Variants in KMO observed in about 807,000 individuals in gnomAD.
KMO encodes the protein kynurenine 3-hydroxylase.
Under a neutral mutation model 57.8 loss-of-function variants are expected in KMO, and 24 were observed. The ratio of observed to expected loss-of-function variants is 0.42; its 90% CI spans 0.30 to 0.58. The LOEUF is 0.58. KMO is among the 20% of genes least tolerant of loss of function. The pLI, the probability that KMO is intolerant of heterozygous loss-of-function variation, is 0.22. For synonymous variants in KMO, 210 were observed against 193.6 expected (o/e 1.08, Z -0.70); for missense variants, 483 against 588.2 (o/e 0.82, Z 1.85).
chr1:241,549,394 G>A (rs1428070340), intron 2 of KMO, among the ~76,000 whole-genome samples: 1 of 151,970 alleles, frequency 6.6e-6, no homozygotes, highest in African/African-American at 2.4e-5. Context: ...AAGAATTGCA[G>A]GATGTGGTTC....
chr1:241,553,109 AC>A (rs1661472806), intron 4 of KMO, among the ~76,000 whole-genome samples: 1 of 152,196 alleles, frequency 6.6e-6, no homozygotes. Flanking sequence ...GATATATCTA[AC>A]CTTTTTTAGG....
intron 10 of KMO, among the ~76,000 whole-genome samples, chr1:241,573,561 C>T (rs1013579820): frequency 2.0e-5 from 3 of 151,952 alleles, no homozygotes; most frequent in African/African-American, 7.3e-5. Context: ...TTTTTGTATG[C>T]TTTATTGAAG....
rs1348387681 is a variant in KMO, at chr1:241,549,266, A to AAAGTAGGAAAGAAAGAAAGG, written c.124+371_124+372insTAGGAAAGAAAGAAAGGAAG. On this transcript the variant is annotated intron_variant, in intron 2 of 14. Transcript: ENST00000366559. ...GAAAGAAAGAAAGAAAGAAAGAAAGAAAGGAAGGAAGAAAGAAAGAAAGGA... is the reference window on the plus strand; with the variant it reads ...GAAAGAAAGAAAGAAAGAAAGAAAGAAAGTAGGAAAGAAAGAAAGGAAGGAAGGAAGAAAGAAAGAAAGGA... Among the ~76,000 whole-genome samples, 7 of 117,552 alleles carry AAAGTAGGAAAGAAAGAAAGG rather than the reference A, an allele frequency of 6.0e-5. 1 individual carries two copies. The highest frequency in any genetic ancestry group is 3.1e-4 in the South Asian group (1 of 3,224). 77.1% of individuals were successfully genotyped at this position (117,552 alleles called of 152,430 possible).
intron 10 of KMO, among the ~76,000 whole-genome samples, chr1:241,585,617 C>T (rs112202119): frequency 5.5e-4 from 84 of 151,610 alleles, no homozygotes; most frequent in Admixed American, 1.9e-3. Context: ...ATTAGCTGGG[C>T]GTGGTGGTGC....
In KMO at chr1:241,594,311, TG is replaced by T; in HGVS notation, c.*2160del. 8.5e-7 allele frequency: 1 copy of T among 1,176,834 alleles called. No homozygotes were observed. Among genetic ancestry groups the T allele is most frequent in the Non-Finnish European group, 1.2e-6 (1 of 837,176 alleles). 72.9% of individuals were successfully genotyped at this position (1,176,834 alleles called of 1,614,324 possible). The stretch of plus-strand genomic sequence containing the variant: ...CATATGGGCAATTCGGATTTCCTGC[TG>T]GACCACAAGGTTCTGTTGATATTAC... On this transcript the variant is annotated 3_prime_UTR_variant, in exon 15 of 15. Transcript: ENST00000366559.
chr1:241,545,537 G>A (rs1420609914), intron 1 of KMO, among the ~76,000 whole-genome samples: 4 of 152,028 alleles, frequency 2.6e-5, no homozygotes, highest in East Asian at 1.9e-4. Context: ...TCCTCAATGC[G>A]TGTCTGATTC....
At chr1:241,556,917 T>G (rs566118913) in intron 5 of KMO, among the ~76,000 whole-genome samples, 28 of 151,330 alleles carry the variant, frequency 1.9e-4, no homozygotes, top group African/African-American at 6.8e-4. Context: ...ATAATAATAA[T>G]AAAGATTTGT....
rs746112406 is a variant in KMO at position 241,592,150 on chromosome 1, G to A, written c.1458G>A (p.Arg486=). The A allele has an allele frequency of 1.1e-5, 18 of 1,612,428 alleles. No homozygotes were observed. The African/African-American group carries it at 2.1e-4, about 19-fold the overall frequency. ...SLEQISNLIS[R] is the part of the protein sequence containing the mutation. ...AACAAATTTCCAATCTCATTAGCAG[G>A]TGATAGAAAGGTTTTGTGGTAGCAA... Residue 486 remains arginine (R), a synonymous_variant, in exon 15 of 15, where the codon AGG becomes AGA. Coordinates refer to ENST00000366559, the MANE Select transcript of KMO (RefSeq NM_003679.5).
chr1:241,591,887 A>C, intron 14 of KMO, 66 bp from the exon 15 acceptor site: 1 of 1,334,130 alleles, frequency 7.5e-7, no homozygotes, highest in Non-Finnish European at 1.1e-6. Context: ...TGTTGTTAAA[A>C]AATGAAGTCT....
At chr1:241,576,248 ACAATT>A (rs1662515129) in intron 10 of KMO, among the ~76,000 whole-genome samples, 1 of 151,982 alleles carries the variant, frequency 6.6e-6, no homozygotes, top group Non-Finnish European at 1.5e-5. Context: ...GAGCATTTCG[ACAATT>A]TACGTTCAGC....
chr1:241,537,558 T>C (rs962662254), intron 1 of KMO, among the ~76,000 whole-genome samples: 1 of 152,202 alleles, frequency 6.6e-6, no homozygotes. Flanking sequence ...CAGCATGCAG[T>C]AAGTCAGTTA....
chr1:241,566,342 A>G, intron 8 of KMO, 149 bp from the exon 9 acceptor site: 1 of 829,246 alleles, frequency 1.2e-6, no homozygotes, highest in East Asian at 2.7e-5. Flanking sequence ...GAGCAGGGGA[A>G]CAAAGTGACA....
intron 10 of KMO, among the ~76,000 whole-genome samples, chr1:241,575,955 A>G (rs570235030): frequency 2.3e-4 from 35 of 150,832 alleles, no homozygotes; most frequent in Non-Finnish European, 4.3e-4. Context: ...TTAGGTGCCT[A>G]TAAGTTTAGG....
At chr1:241,544,825 T>C (rs1423238534) in intron 1 of KMO, among the ~76,000 whole-genome samples, 1 of 152,152 alleles carries the variant, frequency 6.6e-6, no homozygotes, top group Non-Finnish European at 1.5e-5. Context: ...TTAAAGTATA[T>C]GTAGATGATT....
intron 6 of KMO, among the ~76,000 whole-genome samples, chr1:241,561,440 T>C (rs1661831520): frequency 6.6e-6 from 1 of 152,214 alleles, no homozygotes; most frequent in Non-Finnish European, 1.5e-5. Flanking sequence ...CCATTAAATC[T>C]ATAACACTCC....
chr1:241,594,259 G>A lies in KMO; in HGVS notation c.*2106G>A. The A allele has an allele frequency of 1.5e-6, 1 of 674,334 alleles. No homozygotes were observed. Among genetic ancestry groups the A allele is most frequent in the South Asian group, 2.6e-5 (1 of 38,800 alleles). The allele number at this position is 674,334 out of a possible 1,614,324, so 41.8% of individuals were successfully genotyped here. A position where few individuals can be genotyped will look rare whatever the true frequency, so the allele number is the denominator to read the frequency against. On this transcript the variant is annotated 3_prime_UTR_variant, in exon 15 of 15. Transcript: ENST00000366559. ...CGTTGAATTAAAAGAATTTGTTTTT[G>A]TTCAACCTCTTCCTGAGGCCCAAGA... is the stretch of plus-strand genomic sequence containing the variant.
intron 1 of KMO, among the ~76,000 whole-genome samples, chr1:241,539,773 G>A (rs1462061504): frequency 6.6e-6 from 1 of 152,128 alleles, no homozygotes; most frequent in African/African-American, 2.4e-5. Flanking sequence ...ATAAGGCCCA[G>A]GAGCCAACGG....
Position 241,593,345 on chromosome 1 carries a change from G to T in KMO, c.*1192G>T. 2.3e-6 allele frequency: 1 copy of T among 431,154 alleles called. No homozygotes were observed. The highest frequency in any genetic ancestry group is 1.7e-5 in the South Asian group (1 of 58,772). 26.7% of individuals were successfully genotyped at this position (431,154 alleles called of 1,614,324 possible). A position where few individuals can be genotyped will look rare whatever the true frequency, so the allele number is the denominator to read the frequency against. On this transcript the variant is annotated 3_prime_UTR_variant, in exon 15 of 15. Transcript: ENST00000366559. Reference sequence around the variant, plus strand: ...CACATTTAGTGAAATGTTTTCTTTGGTTCATCCTTCTTTAACAGGCTGCTG... The same window carrying T: ...CACATTTAGTGAAATGTTTTCTTTGTTTCATCCTTCTTTAACAGGCTGCTG...
At chr1:241,540,044 C>T (rs898000613) in intron 1 of KMO, among the ~76,000 whole-genome samples, 1 of 152,128 alleles carries the variant, frequency 6.6e-6, no homozygotes, top group African/African-American at 2.4e-5. Context: ...ATTTAGAGTA[C>T]ACTTTTCATT....
Sources: gnomAD v4.1 joint callset for allele counts (sites outside exome capture counted in the v4.1 genomes callset) on GRCh38, gnomAD v4.1.1 for gene constraint, MANE v1.5 for transcripts, NCBI Gene and HGNC (gene_info 2026-07-23, HGNC 2026-07-21) for gene names.